The following DCAF8L2 variants were observed in gnomAD, a reference collection of about 807,000 sequenced individuals.
The protein encoded by DCAF8L2 is DDB1 and CUL4 associated factor 8 like 2.
For synonymous variants in DCAF8L2, 200 were observed against 190.9 expected, an observed-to-expected ratio of 1.05 and a Z score of -0.39; for missense variants, 430 against 490.7, an observed-to-expected ratio of 0.88 and a Z score of 1.17.
the DCAF8L2 span, among the ~76,000 whole-genome samples, chrX:27,501,541 T>C: frequency 9.0e-6 from 1 of 111,188 alleles, no homozygotes; most frequent in Non-Finnish European, 1.9e-5. Flanking sequence ...ACCATTGAGG[T>C]GTCTGATTAG....
At chrX:27,475,823 A>G in the DCAF8L2 span, among the ~76,000 whole-genome samples, 1 of 112,039 alleles carries the variant, frequency 8.9e-6, no homozygotes, top group Non-Finnish European at 1.9e-5. Context: ...ACTGATATTT[A>G]TGAAAGTTAA....
chrX:27,482,922 G>C, the DCAF8L2 span, among the ~76,000 whole-genome samples: 2 of 111,223 alleles, frequency 1.8e-5, no homozygotes, highest in Non-Finnish European at 3.8e-5. Context: ...ATGCCTGAAA[G>C]AGTAATTCAA....
At chrX:27,683,733 G>A (rs1175443565) in intron 3 of DCAF8L2, among the ~76,000 whole-genome samples, 3 of 111,670 alleles carry the variant, frequency 2.7e-5, no homozygotes, top group Admixed American at 9.5e-5. Flanking sequence ...TTAATCAAGG[G>A]CTGAACAGTG....
the DCAF8L2 span, among the ~76,000 whole-genome samples, chrX:27,528,694 C>G: frequency 9.1e-6 from 1 of 110,296 alleles, no homozygotes; most frequent in Non-Finnish European, 1.9e-5. Flanking sequence ...GATCTTTTAA[C>G]AACACTCTTT....
At chrX:27,499,790 C>T in the DCAF8L2 span, among the ~76,000 whole-genome samples, 1 of 109,664 alleles carries the variant, frequency 9.1e-6, no homozygotes, top group Non-Finnish European at 1.9e-5. Context: ...CCAATCAGGT[C>T]CCACCCGCAA....
chrX:27,630,654 A>G (rs1928247348), intron 1 of DCAF8L2, among the ~76,000 whole-genome samples: 1 of 112,475 alleles, frequency 8.9e-6, no homozygotes, highest in Non-Finnish European at 1.9e-5. Context: ...TAGTACATTA[A>G]AAATATTATG....
chrX:27,584,954 A>G, the DCAF8L2 span, among the ~76,000 whole-genome samples: 16 of 111,705 alleles, frequency 1.4e-4, no homozygotes, highest in East Asian at 2.0e-3. Context: ...ACTTATTACA[A>G]TGCACAAGAC....
At chrX:27,668,623 T>C (rs771915648) in intron 2 of DCAF8L2, among the ~76,000 whole-genome samples, 5 of 111,637 alleles carry the variant, frequency 4.5e-5, no homozygotes, top group Non-Finnish European at 9.4e-5. Flanking sequence ...TTGGAGATCA[T>C]AAATTACCAG....
chrX:27,654,041 A>G (rs1205830145), intron 2 of DCAF8L2, among the ~76,000 whole-genome samples: 2 of 111,265 alleles, frequency 1.8e-5, no homozygotes, highest in Non-Finnish European at 3.8e-5. Flanking sequence ...TGGTGTGACC[A>G]TGTGACCATT....
chrX:27,489,306 C>G, the DCAF8L2 span, among the ~76,000 whole-genome samples: 2 of 111,243 alleles, frequency 1.8e-5, no homozygotes, highest in Non-Finnish European at 3.8e-5. Flanking sequence ...ACCGTGTTAC[C>G]CAGGATGGTC....
At chrX:27,517,174 A>C in the DCAF8L2 span, among the ~76,000 whole-genome samples, 2 of 112,137 alleles carry the variant, frequency 1.8e-5, no homozygotes, top group Non-Finnish European at 3.8e-5. Context: ...CTGTACATAC[A>C]TTATTAAATG....
Position 27,749,229 on chromosome X carries a change from A to G in DCAF8L2, c.*438A>G, listed in dbSNP as rs991642143. 8.9e-6 allele frequency among the ~76,000 whole-genome samples: 1 copy of G among 111,929 alleles called. No individual in the cohort carries two copies. The highest frequency in any genetic ancestry group is 3.2e-5 in the African/African-American group (1 of 30,860). The stretch of plus-strand genomic sequence containing the variant: ...ATTTTTTCTGAAGATCGAGTTCCTC[A>G]GTTGACCTGAAAATTTCAGAAATGT... On this transcript the variant is annotated 3_prime_UTR_variant, in exon 5 of 5. Transcript: ENST00000451261.
intron 1 of DCAF8L2, among the ~76,000 whole-genome samples, chrX:27,617,947 C>A: frequency 9.0e-6 from 1 of 111,601 alleles, no homozygotes. Flanking sequence ...TGTGCAACTT[C>A]TGTTATTATG....
intron 2 of DCAF8L2, among the ~76,000 whole-genome samples, chrX:27,660,537 T>C (rs113777409): frequency 0.017 from 1,927 of 111,937 alleles, 43 homozygotes; most frequent in African/African-American, 0.059. Flanking sequence ...TACTGTGAAT[T>C]CCTCAGTGGC....
At chrX:27,497,549 C>CTTCCTTCCTTCCTTCCTTCCTTCCTTCT in the DCAF8L2 span, among the ~76,000 whole-genome samples, 1 of 64,422 alleles carries the variant, frequency 1.6e-5, no homozygotes, top group Non-Finnish European at 2.7e-5. Flanking sequence ...TCCTTCCTTC[C>CTTCCTTCCTTCCTTCCTTCCTTCCTTCT]TTCTTTCTTT....
At chrX:27,732,475 T>C (rs1921262554) in intron 4 of DCAF8L2, among the ~76,000 whole-genome samples, 1 of 94,425 alleles carries the variant, frequency 1.1e-5, no homozygotes, top group Non-Finnish European at 2.1e-5. Context: ...GGCTTAATAA[T>C]TTTCCTGTGT....
intron 4 of DCAF8L2, among the ~76,000 whole-genome samples, chrX:27,726,823 AT>A: frequency 8.9e-6 from 1 of 111,930 alleles, no homozygotes; most frequent in African/African-American, 3.2e-5. Flanking sequence ...CTTGCATGAC[AT>A]TTTGGTTGTT....
At chrX:27,600,030 T>C (rs936928834) in intron 1 of DCAF8L2, among the ~76,000 whole-genome samples, 3 of 112,094 alleles carry the variant, frequency 2.7e-5, no homozygotes, top group Non-Finnish European at 5.6e-5. Context: ...TGAATGATTA[T>C]TCTAAATGAC....
At chrX:27,636,383 T>C (rs764249601) in intron 2 of DCAF8L2, among the ~76,000 whole-genome samples, 19 of 112,168 alleles carry the variant, frequency 1.7e-4, no homozygotes, top group South Asian at 7.3e-4. Context: ...TTAAATCAAT[T>C]GCTAACATTG....
Sources: gnomAD v4.1 joint callset for allele counts (sites outside exome capture counted in the v4.1 genomes callset) on GRCh38, gnomAD v4.1.1 for gene constraint, MANE v1.5 for transcripts, NCBI Gene and HGNC (gene_info 2026-07-23, HGNC 2026-07-21) for gene names.